Variants in GRM1 observed in about 807,000 individuals in gnomAD.
The protein encoded by GRM1 is metabotropic glutamate receptor 1.
GRM1 carries 33 observed loss-of-function variants against 90.9 expected under a neutral mutation model. The observed-to-expected ratio is 0.36, with a 90% CI of 0.28 to 0.49. The LOEUF is 0.49. Ranked by LOEUF, GRM1 falls within the 20% of genes least tolerant of loss-of-function variation. The probability of loss-of-function intolerance (pLI) is 0.99; values close to 1 mark genes in which losing one functional copy is unlikely to be tolerated. For synonymous variants in GRM1, 700 were observed against 613.2 expected (o/e 1.14, Z -2.09); for missense variants, 1,190 against 1,534.3 (o/e 0.78, Z 3.75).
At chr6:146,232,145 C>G (rs1463278077) in intron 2 of GRM1, among the ~76,000 whole-genome samples, 1 of 151,986 alleles carries the variant, frequency 6.6e-6, no homozygotes, top group Non-Finnish European at 1.5e-5. Flanking sequence ...CAGTTTGTGT[C>G]TTTATTAGTT....
chr6:146,409,158 G>GTT (rs1420637621), intron 7 of GRM1, among the ~76,000 whole-genome samples: 1 of 152,112 alleles, frequency 6.6e-6, no homozygotes, highest in Non-Finnish European at 1.5e-5. Flanking sequence ...AAGGCTCCAG[G>GTT]TTTCTGTCTT....
intron 2 of GRM1, among the ~76,000 whole-genome samples, chr6:146,177,467 T>C (rs1217228467): frequency 6.6e-6 from 1 of 152,150 alleles, no homozygotes; most frequent in Non-Finnish European, 1.5e-5. Context: ...TTTATATAGC[T>C]TAATATATGT....
chr6:146,299,198 A>G (rs1420866425), intron 2 of GRM1, among the ~76,000 whole-genome samples: 1 of 152,148 alleles, frequency 6.6e-6, no homozygotes, highest in East Asian at 1.9e-4. Context: ...ATTCCTCTTC[A>G]TTCCTATTAC....
chr6:146,311,124 T>C (rs1052794085), intron 3 of GRM1, among the ~76,000 whole-genome samples: 5 of 152,180 alleles, frequency 3.3e-5, no homozygotes, highest in Non-Finnish European at 7.3e-5. Flanking sequence ...TGGTGCAATA[T>C]TGCACCCAGG....
chr6:146,129,902 AT>A (rs1776331212), intron 1 of GRM1, among the ~76,000 whole-genome samples: 1 of 151,744 alleles, frequency 6.6e-6, no homozygotes, highest in Non-Finnish European at 1.5e-5. Context: ...AGATGTTCAG[AT>A]TTTTTATTTT....
chr6:146,072,921 C>T (rs1332371969), intron 1 of GRM1, among the ~76,000 whole-genome samples: 1 of 151,996 alleles, frequency 6.6e-6, no homozygotes, highest in Non-Finnish European at 1.5e-5. Flanking sequence ...TTGCTGCCAA[C>T]CAAATTACTA....
intron 2 of GRM1, among the ~76,000 whole-genome samples, chr6:146,222,956 T>A (rs890872288): frequency 6.6e-6 from 1 of 151,912 alleles, no homozygotes; most frequent in Non-Finnish European, 1.5e-5. Flanking sequence ...GTTATATATC[T>A]TTGAATCTAG....
At chr6:146,196,334 C>A (rs1053192147) in intron 2 of GRM1, among the ~76,000 whole-genome samples, 1 of 149,442 alleles carries the variant, frequency 6.7e-6, no homozygotes, top group Non-Finnish European at 1.5e-5. Context: ...GTCGCCCAGG[C>A]TGGACTGCAG....
chr6:146,420,321 T>C (rs1304851273), intron 7 of GRM1, among the ~76,000 whole-genome samples: 1 of 152,154 alleles, frequency 6.6e-6, no homozygotes, highest in Non-Finnish European at 1.5e-5. Flanking sequence ...AGACCAAAAA[T>C]CTAAATAGAA....
intron 2 of GRM1, among the ~76,000 whole-genome samples, chr6:146,281,921 A>G (rs797011478): frequency 5.9e-5 from 9 of 152,328 alleles, no homozygotes; most frequent in African/African-American, 2.2e-4. Context: ...TGCTGTGGAT[A>G]AATAAACTGT....
At chr6:146,393,851 C>T (rs766177034) in intron 6 of GRM1, among the ~76,000 whole-genome samples, 25 of 152,108 alleles carry the variant, frequency 1.6e-4, no homozygotes, top group Admixed American at 2.0e-4. Flanking sequence ...CATCACGATA[C>T]CTGACTTCAA....
chr6:146,082,493 A>G (rs1776398175), intron 1 of GRM1, among the ~76,000 whole-genome samples: 1 of 152,000 alleles, frequency 6.6e-6, no homozygotes, highest in Non-Finnish European at 1.5e-5. Flanking sequence ...CTTCTTTCCT[A>G]TCTGGGATTT....
intron 1 of GRM1, among the ~76,000 whole-genome samples, chr6:146,093,162 A>G (rs1776766059): frequency 6.6e-6 from 1 of 152,150 alleles, no homozygotes; most frequent in Non-Finnish European, 1.5e-5. Context: ...AAATATTCAG[A>G]AAAGAAACAG....
rs1235810644 is a variant in GRM1, at chr6:146,437,143, A to G, written c.*2347A>G. 2 of 152,228 alleles carry G rather than the reference A, an allele frequency of 1.3e-5. No individual in the cohort carries two copies. Among genetic ancestry groups the G allele is most frequent in the Non-Finnish European group, 2.9e-5 (2 of 68,042 alleles). 9.4% of individuals were successfully genotyped at this position (152,228 alleles called of 1,614,324 possible). A position where few individuals can be genotyped will look rare whatever the true frequency, so the allele number is the denominator to read the frequency against. On this transcript the variant is annotated 3_prime_UTR_variant, in exon 8 of 8. Coordinates refer to ENST00000282753, the MANE Select transcript of GRM1 (RefSeq NM_001278064.2). ...AATTGACAAATTCATGAGGGAAAGC[A>G]TATGATCTCTTTATTAGTGAATCAT...
intron 7 of GRM1, among the ~76,000 whole-genome samples, chr6:146,432,437 A>G (rs1024823413): frequency 6.6e-6 from 1 of 152,218 alleles, no homozygotes; most frequent in Non-Finnish European, 1.5e-5. Context: ...GCTCACATAT[A>G]ATTTTTGAAG....
intron 2 of GRM1, among the ~76,000 whole-genome samples, chr6:146,176,601 C>A (rs924172186): frequency 6.6e-6 from 1 of 152,110 alleles, no homozygotes; most frequent in East Asian, 1.9e-4. Context: ...CCTGTAGAAT[C>A]AACAGCTCAA....
chr6:146,372,235 T>C (rs967109618), intron 5 of GRM1, among the ~76,000 whole-genome samples: 1 of 152,202 alleles, frequency 6.6e-6, no homozygotes, highest in African/African-American at 2.4e-5. Flanking sequence ...CTTTTTCTTA[T>C]GCCTGTTTGC....
At chr6:146,333,826 C>T (rs1259337047) in intron 3 of GRM1, among the ~76,000 whole-genome samples, 3 of 151,702 alleles carry the variant, frequency 2.0e-5, no homozygotes, top group African/African-American at 7.3e-5. Flanking sequence ...GCTGTCACAG[C>T]CCAGAGAAGC....
At chr6:146,307,210 A>G (rs1338065412) in intron 3 of GRM1, among the ~76,000 whole-genome samples, 1 of 152,186 alleles carries the variant, frequency 6.6e-6, no homozygotes, top group African/African-American at 2.4e-5. Context: ...ATTTATTTTT[A>G]TGCTGTGCTT....
Sources: allele counts gnomAD v4.1 joint callset (sites outside exome capture counted in the v4.1 genomes callset), GRCh38; gene constraint gnomAD v4.1.1; transcripts MANE v1.5; gene names NCBI Gene and HGNC (gene_info 2026-07-23, HGNC 2026-07-21).